Variants in GPC5 observed in about 807,000 individuals in gnomAD.
GPC5 encodes glypican-5.
A neutral mutation model predicts 53.9 loss-of-function variants in GPC5; 47 were observed. That is an observed-to-expected ratio of 0.87 (90% CI 0.69 to 1.11). The LOEUF (loss-of-function observed/expected upper bound fraction) is 1.11, where lower values mean the gene tolerates loss of function less well. GPC5 is among the 50% of genes most tolerant of loss of function. GPC5 has a pLI of 0.00. For missense variants in GPC5, 748 were observed against 713.1 expected (o/e 1.05, Z -0.56); for synonymous variants, 286 against 263.3 (o/e 1.09, Z -0.84).
At chr13:92,012,332 G>T (rs2040668979) in intron 6 of GPC5, among the ~76,000 whole-genome samples, 1 of 151,860 alleles carries the variant, frequency 6.6e-6, no homozygotes, top group Admixed American at 6.6e-5. Context: ...CATGCTAATT[G>T]TATTAAATTA....
At chr13:91,647,676 C>G (rs1415552928) in intron 2 of GPC5, among the ~76,000 whole-genome samples, 1 of 152,200 alleles carries the variant, frequency 6.6e-6, no homozygotes, top group African/African-American at 2.4e-5. Context: ...CTTCTTTAGA[C>G]TACACAGCAG....
chr13:92,389,693 A>G (rs1566570153), intron 7 of GPC5, among the ~76,000 whole-genome samples: 1 of 152,140 alleles, frequency 6.6e-6, no homozygotes, highest in Non-Finnish European at 1.5e-5. Context: ...CAATTAATAG[A>G]CACTTAACTT....
intron 7 of GPC5, among the ~76,000 whole-genome samples, chr13:92,180,421 T>G (rs543408027): frequency 6.6e-6 from 1 of 152,334 alleles, no homozygotes; most frequent in African/African-American, 2.4e-5. Context: ...TGAATGTGTA[T>G]GTATTTGTGG....
At chr13:92,600,986 A>G (rs1197398277) in intron 7 of GPC5, among the ~76,000 whole-genome samples, 1 of 152,126 alleles carries the variant, frequency 6.6e-6, no homozygotes, top group African/African-American at 2.4e-5. Context: ...TACTTGTTTC[A>G]TCCTTACCAC....
chr13:92,368,370 G>A (rs532898605), intron 7 of GPC5, among the ~76,000 whole-genome samples: 1 of 151,624 alleles, frequency 6.6e-6, no homozygotes, highest in South Asian at 2.1e-4. Context: ...AGGGCTGGGC[G>A]TGGTTGCTCA....
At chr13:92,526,306 A>G (rs1157614601) in intron 7 of GPC5, among the ~76,000 whole-genome samples, 1 of 152,160 alleles carries the variant, frequency 6.6e-6, no homozygotes, top group Non-Finnish European at 1.5e-5. Flanking sequence ...GTGAATGAGA[A>G]TTAATGCTAA....
At chr13:91,527,634 G>T (rs1045775798) in intron 2 of GPC5, among the ~76,000 whole-genome samples, 1 of 152,246 alleles carries the variant, frequency 6.6e-6, no homozygotes, top group African/African-American at 2.4e-5. Context: ...GGGACTCTGT[G>T]TAGGGTCTCC....
chr13:91,780,145 A>C (rs916757141), intron 5 of GPC5, among the ~76,000 whole-genome samples: 2 of 152,320 alleles, frequency 1.3e-5, no homozygotes, highest in South Asian at 2.1e-4. Context: ...GGAATTTTTC[A>C]GCTGTATTGT....
chr13:92,035,631 A>G (rs1385159941), intron 6 of GPC5, among the ~76,000 whole-genome samples: 22 of 152,106 alleles, frequency 1.4e-4, no homozygotes, highest in Non-Finnish European at 1.5e-5. Flanking sequence ...AAAATAATCC[A>G]TTTATATACA....
At chr13:91,550,639 A>T (rs924939500) in intron 2 of GPC5, among the ~76,000 whole-genome samples, 1 of 152,132 alleles carries the variant, frequency 6.6e-6, no homozygotes, top group Admixed American at 6.6e-5. Flanking sequence ...ATTGTAGTTC[A>T]TTAAGAAGTA....
intron 6 of GPC5, among the ~76,000 whole-genome samples, chr13:92,096,215 A>T (rs1027989508): frequency 6.6e-6 from 1 of 152,108 alleles, no homozygotes; most frequent in Admixed American, 6.5e-5. Flanking sequence ...TTTCTTCCCC[A>T]TCATTGGCCC....
chr13:91,844,584 A>G (rs973584523), intron 5 of GPC5, among the ~76,000 whole-genome samples: 4 of 152,214 alleles, frequency 2.6e-5, no homozygotes, highest in Admixed American at 1.3e-4. Context: ...TCTAGACCTC[A>G]GGGAGGCAGT....
At chr13:91,830,728 G>A (rs1233402761) in intron 5 of GPC5, among the ~76,000 whole-genome samples, 1 of 143,588 alleles carries the variant, frequency 7.0e-6, no homozygotes, top group Admixed American at 7.2e-5. Context: ...ATATATATAT[G>A]TGTATATATG....
chr13:91,720,424 G>T (rs998513071), intron 3 of GPC5, among the ~76,000 whole-genome samples: 20 of 152,058 alleles, frequency 1.3e-4, no homozygotes, highest in Admixed American at 1.3e-3. Flanking sequence ...AATGCTTTCT[G>T]CATTTGTAGT....
intron 7 of GPC5, among the ~76,000 whole-genome samples, chr13:92,387,274 T>A (rs1227362216): frequency 6.6e-6 from 1 of 152,142 alleles, no homozygotes; most frequent in Non-Finnish European, 1.5e-5. Context: ...TTGTGTGACG[T>A]AATTTCCCCC....
At chr13:91,652,328 G>A (rs921329687) in intron 2 of GPC5, among the ~76,000 whole-genome samples, 38 of 152,098 alleles carry the variant, frequency 2.5e-4, no homozygotes, top group Admixed American at 6.5e-4. Flanking sequence ...CATTCTCACT[G>A]TAGATCTTAG....
At chr13:91,475,712 A>G (rs1882888383) in intron 2 of GPC5, among the ~76,000 whole-genome samples, 1 of 152,134 alleles carries the variant, frequency 6.6e-6, no homozygotes, top group Non-Finnish European at 1.5e-5. Context: ...GCTACTTCAG[A>G]GGACTCTTCT....
At chr13:91,791,669 C>A (rs1010021146) in intron 5 of GPC5, among the ~76,000 whole-genome samples, 1 of 137,146 alleles carries the variant, frequency 7.3e-6, no homozygotes, top group African/African-American at 2.9e-5. Context: ...ATTACATCAA[C>A]AATTGTATGA....
intron 7 of GPC5, among the ~76,000 whole-genome samples, chr13:92,168,956 A>G (rs2042050462): frequency 6.6e-6 from 1 of 152,222 alleles, no homozygotes; most frequent in Non-Finnish European, 1.5e-5. Context: ...TAGACCGGAT[A>G]AAGAAAATGT....
Sources: allele counts gnomAD v4.1 joint callset (sites outside exome capture counted in the v4.1 genomes callset), GRCh38; gene constraint gnomAD v4.1.1; transcripts MANE v1.5; gene names NCBI Gene and HGNC (gene_info 2026-07-23, HGNC 2026-07-21).